BLNK: variants seen among roughly 807,000 people sequenced by gnomAD.
BLNK encodes B cell linker.
Under a neutral mutation model 73.5 loss-of-function variants are expected in BLNK, and 29 were observed. The observed-to-expected ratio is 0.39, with a 90% confidence interval of 0.29 to 0.54. The LOEUF is 0.54. Among genes scored for constraint, BLNK ranks in the 20% least tolerant of loss-of-function variants. The pLI, the probability that BLNK is intolerant of heterozygous loss-of-function variation, is 0.61. For missense variants in BLNK, 460 were observed against 562.8 expected (o/e 0.82, Z 1.85); for synonymous variants, 176 against 200.8 (o/e 0.88, Z 1.04).
chr10:96,230,457 C>G (rs1842453002), intron 4 of BLNK, among the ~76,000 whole-genome samples: 1 of 152,144 alleles, frequency 6.6e-6, no homozygotes, highest in South Asian at 2.1e-4. Context: ...GAGTTTAGGG[C>G]AGAGGCATTT....
At chr10:96,204,783 T>C in intron 11 of BLNK, 167 bp from the exon 12 acceptor site, 1 of 655,710 alleles carries the variant, frequency 1.5e-6, no homozygotes, top group Non-Finnish European at 2.8e-6. Flanking sequence ...TCTGTTGATG[T>C]GGTTGTGCTA....
chr10:96,230,948 C>T (rs1564834695), intron 3 of BLNK, 114 bp from the exon 4 acceptor site: 3 of 1,059,972 alleles, frequency 2.8e-6, no homozygotes, highest in Non-Finnish European at 2.9e-6. Flanking sequence ...TTTCTGGTGC[C>T]ATATACTTGA....
chr10:96,202,892 C>T (rs2083682556), intron 13 of BLNK, among the ~76,000 whole-genome samples: 1 of 152,168 alleles, frequency 6.6e-6, no homozygotes, highest in South Asian at 2.1e-4. Flanking sequence ...GTGGAATGAG[C>T]TATTATGCCC....
intron 8 of BLNK, chr10:96,210,180 C>A (rs189892903): frequency 1.3e-5 from 6 of 467,392 alleles, no homozygotes; most frequent in African/African-American, 1.2e-4. Context: ...CCTTACCCGC[C>A]CCCTGCCCCA....
intron 4 of BLNK, 60 bp downstream of exon 4, chr10:96,230,734 T>A (rs1842466359): frequency 1.3e-6 from 2 of 1,549,226 alleles, no homozygotes; most frequent in Non-Finnish European, 1.8e-6. Flanking sequence ...AGAAATAAGA[T>A]CTTCAAAAGG....
chr10:96,225,195 C>A (rs1842200561), intron 5 of BLNK, among the ~76,000 whole-genome samples: 1 of 152,174 alleles, frequency 6.6e-6, no homozygotes, highest in South Asian at 2.1e-4. Context: ...TAGATTCAGA[C>A]TGATGTGTTT....
intron 1 of BLNK, among the ~76,000 whole-genome samples, chr10:96,270,524 G>C (rs1258973394): frequency 6.6e-6 from 1 of 151,832 alleles, no homozygotes; most frequent in Non-Finnish European, 1.5e-5. Flanking sequence ...ATGACAGGTC[G>C]ATGGGTGCAG....
chr10:96,266,950 C>G (rs1554914420), intron 1 of BLNK, among the ~76,000 whole-genome samples: 1 of 152,194 alleles, frequency 6.6e-6, no homozygotes, highest in Non-Finnish European at 1.5e-5. Context: ...TTCACACAAG[C>G]CTGTGAGGAA....
chr10:96,229,852 G>A (rs1054900270), intron 4 of BLNK, among the ~76,000 whole-genome samples: 3 of 151,790 alleles, frequency 2.0e-5, no homozygotes, highest in Non-Finnish European at 4.4e-5. Context: ...GAAGAAGGAG[G>A]AACTCCTGTC....
intron 7 of BLNK, chr10:96,216,281 T>C (rs1240831748): frequency 3.8e-6 from 1 of 262,250 alleles, no homozygotes. Context: ...TTTTCACTCC[T>C]CTGCAGAAAC....
In BLNK at chr10:96,223,982, T is replaced by C; in HGVS notation, c.369A>G (p.Arg123=). The change falls in exon 6 of 17, where the codon CGA becomes CGG. Residue 123 remains arginine, a synonymous_variant. Coordinates refer to ENST00000224337, the MANE Select transcript of BLNK (RefSeq NM_013314.4). ...AGGGTGGGGAATGCCTCTGGCTTGATCGATTGTCTTGAAAGGAACAAACAA... is the reference window on the plus strand; with the variant it reads ...AGGGTGGGGAATGCCTCTGGCTTGACCGATTGTCTTGAAAGGAACAAACAA... ...PFARGEYIDN[R]SSQRHSPPFS... The C allele has an allele frequency of 6.2e-7, 1 of 1,612,756 alleles. No individual in the cohort carries two copies.
rs1554893128 is a variant in BLNK at position 96,190,451 on chromosome 10, G to T, written c.*1522C>A. Among the ~76,000 whole-genome samples the T allele has an allele frequency of 9.9e-5, 15 of 152,156 alleles. No homozygotes were observed. On this transcript the variant is annotated 3_prime_UTR_variant, in exon 17 of 17. Transcript: ENST00000224337. The stretch of plus-strand genomic sequence containing the variant: ...ATCTTACCTTGACTATATCTGTAAA[G>T]ACCTCATTCCCAAATAAGGTCACAT...
intron 6 of BLNK, among the ~76,000 whole-genome samples, chr10:96,220,568 TA>T (rs1262504076): frequency 6.6e-6 from 1 of 152,242 alleles, no homozygotes; most frequent in African/African-American, 2.4e-5. Context: ...CATCACATTT[TA>T]TGTCCTTTAT....
chr10:96,264,429 A>G (rs1589349387), intron 1 of BLNK, among the ~76,000 whole-genome samples: 1 of 152,210 alleles, frequency 6.6e-6, no homozygotes, highest in Non-Finnish European at 1.5e-5. Context: ...ATTACCCAAG[A>G]GCCTTGAGCA....
chr10:96,229,023 A>G (rs779404968), intron 4 of BLNK, among the ~76,000 whole-genome samples: 8 of 152,204 alleles, frequency 5.3e-5, no homozygotes, highest in Non-Finnish European at 8.8e-5. Context: ...AACGTGTAGT[A>G]ATAACATCTG....
chr10:96,216,616 TA>T (rs1554899909), intron 7 of BLNK, 36 bp downstream of exon 7: 2 of 1,584,482 alleles, frequency 1.3e-6, no homozygotes, highest in Non-Finnish European at 1.7e-6. Flanking sequence ...GATCAACTGC[TA>T]AAAATTTTCA....
chr10:96,216,796 G>T, intron 6 of BLNK, 62 bp from the exon 7 acceptor site: 1 of 1,394,936 alleles, frequency 7.2e-7, no homozygotes, highest in Non-Finnish European at 1.0e-6. Flanking sequence ...CTGTATGGGA[G>T]GGAGTGATTT....
chr10:96,210,049 T>G (rs1393051338), intron 8 of BLNK, 142 bp from the exon 9 acceptor site: 13 of 868,746 alleles, frequency 1.5e-5, no homozygotes, highest in Admixed American at 7.6e-5. Context: ...GTAGTTATAT[T>G]GAAGCTATTA....
At chr10:96,197,181 T>C (rs1480041073) in intron 15 of BLNK, 118 bp from the exon 16 acceptor site, 1 of 750,616 alleles carries the variant, frequency 1.3e-6, no homozygotes, top group Non-Finnish European at 2.1e-6. Context: ...ATTATTTAGC[T>C]ACATTATTTT....
Sources: allele counts gnomAD v4.1 joint callset (sites outside exome capture counted in the v4.1 genomes callset), GRCh38; gene constraint gnomAD v4.1.1; transcripts MANE v1.5; gene names NCBI Gene and HGNC (gene_info 2026-07-23, HGNC 2026-07-21).